Variants in NRG3 observed in about 807,000 individuals in gnomAD.
The protein encoded by NRG3 is neuregulin 3.
Under a neutral mutation model 66.9 loss-of-function variants are expected in NRG3, and 31 were observed. The ratio of observed to expected loss-of-function variants is 0.46; its 90% confidence interval spans 0.35 to 0.63. The LOEUF is 0.63. Ranked by LOEUF, NRG3 falls within the 20% of genes least tolerant of loss-of-function variation. The probability of loss-of-function intolerance (pLI) is 0.00; values close to 1 mark genes in which losing one functional copy is unlikely to be tolerated. For missense variants in NRG3, 910 were observed against 878.9 expected (o/e 1.04, Z -0.45); for synonymous variants, 393 against 359.4 (o/e 1.09, Z -1.06).
At chr10:82,701,467 C>T (rs2134293360) in intron 2 of NRG3, among the ~76,000 whole-genome samples, 1 of 152,154 alleles carries the variant, frequency 6.6e-6, no homozygotes, top group South Asian at 2.1e-4. Flanking sequence ...TTGTAAGTCA[C>T]AAGGAATTAA....
intron 1 of NRG3, among the ~76,000 whole-genome samples, chr10:81,910,479 A>T (rs1313081594): frequency 6.6e-6 from 1 of 152,218 alleles, no homozygotes; most frequent in Non-Finnish European, 1.5e-5. Flanking sequence ...CATTAAATGT[A>T]ATCTATGGGA....
intron 1 of NRG3, among the ~76,000 whole-genome samples, chr10:82,339,936 T>C (rs1218726870): frequency 6.6e-6 from 1 of 152,104 alleles, no homozygotes. Flanking sequence ...CTTAAAGATA[T>C]CATCCTTTTA....
At chr10:82,677,641 T>G (rs1411254164) in intron 2 of NRG3, among the ~76,000 whole-genome samples, 1 of 152,172 alleles carries the variant, frequency 6.6e-6, no homozygotes, top group Non-Finnish European at 1.5e-5. Context: ...GCAAATTGTA[T>G]GCATCTGCAA....
At chr10:82,341,505 G>T (rs138124523) in intron 1 of NRG3, among the ~76,000 whole-genome samples, 370 of 152,186 alleles carry the variant, frequency 2.4e-3, no homozygotes, top group African/African-American at 8.4e-3. Context: ...ATTACTGCAT[G>T]CTGACTTCTA....
At chr10:82,198,537 C>G (rs2074572485) in intron 1 of NRG3, among the ~76,000 whole-genome samples, 1 of 152,150 alleles carries the variant, frequency 6.6e-6, no homozygotes, top group South Asian at 2.1e-4. Context: ...ACTTCTTGTA[C>G]AGTCACACTT....
At chr10:82,400,999 G>C (rs987805494) in intron 2 of NRG3, among the ~76,000 whole-genome samples, 35 of 152,142 alleles carry the variant, frequency 2.3e-4, no homozygotes, top group African/African-American at 8.2e-4. Flanking sequence ...TGGGGAGAAT[G>C]AGATGTGCAC....
chr10:82,358,603 T>G, intron 1 of NRG3, 136 bp from the exon 2 acceptor site: 5 of 1,150,694 alleles, frequency 4.3e-6, no homozygotes, highest in Non-Finnish European at 5.0e-6. Flanking sequence ...CAAGGAGGGT[T>G]GGAGCTGTCT....
intron 2 of NRG3, among the ~76,000 whole-genome samples, chr10:82,458,986 G>T (rs1359246273): frequency 1.3e-5 from 2 of 152,128 alleles, no homozygotes; most frequent in African/African-American, 4.8e-5. Context: ...CCATTCACTG[G>T]CAGTTTCTCT....
intron 1 of NRG3, among the ~76,000 whole-genome samples, chr10:81,999,854 T>A (rs986709971): frequency 6.6e-6 from 1 of 152,206 alleles, no homozygotes; most frequent in African/African-American, 2.4e-5. Flanking sequence ...TAGTGGGAGC[T>A]GAGACACAGG....
At chr10:82,950,766 G>T (rs1849446467) in intron 4 of NRG3, among the ~76,000 whole-genome samples, 1 of 152,170 alleles carries the variant, frequency 6.6e-6, no homozygotes, top group African/African-American at 2.4e-5. Flanking sequence ...GAATTGTTTA[G>T]GTAGATACAG....
At chr10:82,874,552 AAG>A (rs1841635648) in intron 4 of NRG3, among the ~76,000 whole-genome samples, 1 of 152,168 alleles carries the variant, frequency 6.6e-6, no homozygotes, top group Admixed American at 6.5e-5. Context: ...GTGCCATTAA[AAG>A]AGTTTAGTTT....
At chr10:82,614,802 C>T (rs549868292) in intron 2 of NRG3, among the ~76,000 whole-genome samples, 1 of 152,152 alleles carries the variant, frequency 6.6e-6, no homozygotes, top group Admixed American at 6.5e-5. Flanking sequence ...CATCCAAAAC[C>T]CGTAGAAGGG....
At chr10:82,741,509 C>T (rs2058422673) in intron 3 of NRG3, among the ~76,000 whole-genome samples, 1 of 152,176 alleles carries the variant, frequency 6.6e-6, no homozygotes, top group South Asian at 2.1e-4. Flanking sequence ...CCTTATTCCT[C>T]ACTATAATTG....
intron 2 of NRG3, among the ~76,000 whole-genome samples, chr10:82,542,095 C>G (rs1387307385): frequency 6.6e-6 from 1 of 152,082 alleles, no homozygotes; most frequent in Non-Finnish European, 1.5e-5. Flanking sequence ...ACTGACAGGC[C>G]CCAGTGTGTG....
At chr10:82,633,503 C>T (rs745743735) in intron 2 of NRG3, among the ~76,000 whole-genome samples, 10 of 152,072 alleles carry the variant, frequency 6.6e-5, no homozygotes, top group South Asian at 4.1e-4. Flanking sequence ...ACAAGTGTAA[C>T]GCCATTAATC....
intron 2 of NRG3, among the ~76,000 whole-genome samples, chr10:82,689,497 G>C (rs2054760537): frequency 6.6e-6 from 1 of 152,224 alleles, no homozygotes; most frequent in Admixed American, 6.5e-5. Flanking sequence ...TCTGCTAGAT[G>C]CCCAGGAATG....
At chr10:82,797,226 A>G (rs984536611) in intron 3 of NRG3, among the ~76,000 whole-genome samples, 5 of 152,166 alleles carry the variant, frequency 3.3e-5, no homozygotes, top group African/African-American at 1.2e-4. Context: ...GCTCTAATTC[A>G]TGGCTCTTCA....
At chr10:82,640,524 C>A (rs1487002254) in intron 2 of NRG3, among the ~76,000 whole-genome samples, 5 of 152,150 alleles carry the variant, frequency 3.3e-5, no homozygotes, top group African/African-American at 1.2e-4. Context: ...ATGGACTGGA[C>A]AGGGTGCATT....
chr10:82,190,131 A>G (rs1023047845), intron 1 of NRG3, among the ~76,000 whole-genome samples: 1 of 152,156 alleles, frequency 6.6e-6, no homozygotes, highest in African/African-American at 2.4e-5. Context: ...CCTTTGCCCA[A>G]TTACTTTTAT....
Sources: gnomAD v4.1 joint callset for allele counts (sites outside exome capture counted in the v4.1 genomes callset) on GRCh38, gnomAD v4.1.1 for gene constraint, MANE v1.5 for transcripts, NCBI Gene and HGNC (gene_info 2026-07-23, HGNC 2026-07-21) for gene names.